The following GRIP1 variants were observed in gnomAD, a reference collection of about 807,000 sequenced individuals.
The protein encoded by GRIP1 is glutamate receptor-interacting protein 1.
Under a neutral mutation model 129.9 loss-of-function variants are expected in GRIP1, and 45 were observed. The observed-to-expected ratio is 0.35, with a 90% CI of 0.27 to 0.44. The LOEUF (loss-of-function observed/expected upper bound fraction) is 0.44, where lower values mean the gene tolerates loss of function less well. Among genes scored for constraint, GRIP1 ranks in the 20% least tolerant of loss-of-function variants. The pLI is 1.00. For missense variants in GRIP1, 1,196 were observed against 1,396.8 expected (o/e 0.86, Z 2.29); for synonymous variants, 530 against 520.8 (o/e 1.02, Z -0.24).
chr12:66,914,854 T>C (rs2041093250), intron 1 of GRIP1, among the ~76,000 whole-genome samples: 1 of 152,200 alleles, frequency 6.6e-6, no homozygotes, highest in Non-Finnish European at 1.5e-5. Context: ...CCAGGCATGG[T>C]GGTGCATTCC....
At chr12:66,929,437 T>C (rs2041350716) in intron 1 of GRIP1, among the ~76,000 whole-genome samples, 1 of 152,356 alleles carries the variant, frequency 6.6e-6, no homozygotes, top group Non-Finnish European at 1.5e-5. Flanking sequence ...CCCCTGTATA[T>C]TGTCTGGCTT....
chr12:66,981,577 C>T (rs1566105099), intron 1 of GRIP1, among the ~76,000 whole-genome samples: 1 of 151,972 alleles, frequency 6.6e-6, no homozygotes, highest in African/African-American at 2.4e-5. Flanking sequence ...TATGTATTAC[C>T]AAAACTGTAA....
intron 19 of GRIP1, among the ~76,000 whole-genome samples, chr12:66,383,492 T>C (rs545843343): frequency 1.1e-4 from 17 of 152,290 alleles, no homozygotes; most frequent in Admixed American, 2.0e-4. Flanking sequence ...TGTGTACTTA[T>C]TCCTCCCCAT....
Position 66,849,498 on chromosome 12 carries a change from C to T in GRIP1, c.58+219552G>A, listed in dbSNP as rs188547012. Reference sequence around the variant, plus strand: ...GGTACAGTGGCTCATTCCTGTAATCCAACCTACTCGAGAAACTGAGGCAGA... The same window carrying T: ...GGTACAGTGGCTCATTCCTGTAATCTAACCTACTCGAGAAACTGAGGCAGA... On this transcript the variant is annotated intron_variant, in intron 1 of 1. Coordinates refer to the GRIP1 transcript ENST00000643019. Among the ~76,000 whole-genome samples the T allele has an allele frequency of 4.1e-4, 62 of 152,062 alleles. 1 individual carries two copies. Among genetic ancestry groups the T allele is most frequent in the Admixed American group, 2.8e-3 (43 of 15,274 alleles).
chr12:66,994,443 T>TAA lies in GRIP1; in HGVS notation c.58+74605_58+74606dup, dbSNP rs35992790. ...TGACAACATAAAATACCTTTTATGATAAAAAAAAAAACACTCAATAAACCA... is the reference window on the plus strand; with the variant it reads ...TGACAACATAAAATACCTTTTATGATAAAAAAAAAAAAACACTCAATAAACCA... On this transcript the variant is annotated intron_variant, in intron 1 of 1. Coordinates refer to the GRIP1 transcript ENST00000643019. Among the ~76,000 whole-genome samples the TAA allele has an allele frequency of 3.5e-3, 501 of 144,108 alleles. 6 individuals are homozygous for TAA. The highest frequency in any genetic ancestry group is 0.012 in the African/African-American group (482 of 39,508). The allele number at this position is 144,108 out of a possible 152,430, so 94.5% of individuals were successfully genotyped here.
intron 1 of GRIP1, among the ~76,000 whole-genome samples, chr12:66,919,623 G>T (rs1212348400): frequency 6.6e-6 from 1 of 152,078 alleles, no homozygotes; most frequent in Non-Finnish European, 1.5e-5. Context: ...GCACCTCAAT[G>T]ACACCAATGA....
intron 5 of GRIP1, among the ~76,000 whole-genome samples, chr12:66,527,481 A>G (rs893766654): frequency 6.6e-6 from 1 of 151,944 alleles, no homozygotes; most frequent in South Asian, 2.1e-4. Context: ...AACAATGAGA[A>G]CATGGACACA....
chr12:66,642,218 C>A (rs1447708281), intron 1 of GRIP1, among the ~76,000 whole-genome samples: 2 of 151,940 alleles, frequency 1.3e-5, no homozygotes, highest in Non-Finnish European at 2.9e-5. Flanking sequence ...GGGAAAGTGA[C>A]ATCTAAATCA....
At chr12:66,532,077 A>G (rs894970277) in intron 4 of GRIP1, among the ~76,000 whole-genome samples, 5 of 152,244 alleles carry the variant, frequency 3.3e-5, no homozygotes, top group Admixed American at 2.6e-4. Context: ...TTTAAAGTCA[A>G]TATAAAGGCT....
intron 1 of GRIP1, among the ~76,000 whole-genome samples, chr12:67,031,005 G>A (rs180762644): frequency 3.9e-5 from 6 of 151,984 alleles, no homozygotes; most frequent in South Asian, 2.1e-4. Flanking sequence ...ATATATAACC[G>A]CTCACCTCAC....
At chr12:66,841,047 T>TA (rs796241877) in intron 1 of GRIP1, among the ~76,000 whole-genome samples, 1 of 152,238 alleles carries the variant, frequency 6.6e-6, no homozygotes, top group Non-Finnish European at 1.5e-5. Context: ...ATACTTCCAT[T>TA]AAAAAATTAT....
Position 66,813,466 on chromosome 12 carries a change from T to C in GRIP1, c.59-216539A>G, listed in dbSNP as rs527368888. On this transcript the variant is annotated intron_variant, in intron 1 of 1. Transcript: ENST00000643019. ...ACCATATCAGAGGAAACAGATAACA[T>C]ACAGTAAATACATCATCAAAGTAAT... Among the ~76,000 whole-genome samples the C allele has an allele frequency of 4.6e-5, 7 of 152,194 alleles. No individual in the cohort carries two copies. In the East Asian group the frequency reaches 1.4e-3, roughly 29 times the overall value.
At chr12:66,679,684 A>G (rs1222266605), upstream of GRIP1, among the ~76,000 whole-genome samples, 5 of 152,170 alleles carry the variant, frequency 3.3e-5, no homozygotes, top group South Asian at 1.0e-3. Context: ...CACCCTTCCA[A>G]AAAAGGACTT....
In GRIP1 at chr12:67,015,677, C is replaced by T. The variant is rs542612637; in HGVS notation, c.58+53373G>A. ...GCAAGGAAGGAAACAAATAATCCTGCGATGGAGGCAGAGTGTAAACAATCC... is the reference window on the plus strand; with the variant it reads ...GCAAGGAAGGAAACAAATAATCCTGTGATGGAGGCAGAGTGTAAACAATCC... On this transcript the variant is annotated intron_variant, in intron 1 of 1. Transcript: ENST00000643019. Among the ~76,000 whole-genome samples, 8 of 152,254 alleles carry T rather than the reference C, an allele frequency of 5.3e-5. No individual in the cohort carries two copies. The East Asian group carries it at 9.6e-4, about 18-fold the overall frequency.
intron 1 of GRIP1, among the ~76,000 whole-genome samples, chr12:66,622,230 T>C (rs2065298807): frequency 6.6e-6 from 1 of 152,110 alleles, no homozygotes; most frequent in Non-Finnish European, 1.5e-5. Context: ...TGAGTTATGC[T>C]ACAAGTCACT....
chr12:66,587,392 T>G (rs962421434), intron 2 of GRIP1, among the ~76,000 whole-genome samples: 4 of 152,256 alleles, frequency 2.6e-5, no homozygotes, highest in African/African-American at 9.6e-5. Flanking sequence ...CATAACTTTC[T>G]GCTCCCACAC....
intron 23 of GRIP1, among the ~76,000 whole-genome samples, chr12:66,364,909 A>G (rs1219291865): frequency 3.3e-5 from 5 of 152,082 alleles, no homozygotes; most frequent in Non-Finnish European, 7.4e-5. Context: ...CACAGATCAC[A>G]GATTTTTCCT....
chr12:66,583,990 A>G (rs562119043), intron 2 of GRIP1, among the ~76,000 whole-genome samples: 1 of 140,702 alleles, frequency 7.1e-6, no homozygotes, highest in South Asian at 2.3e-4. Flanking sequence ...TCACAATAGC[A>G]AAGACTTGCA....
chr12:66,981,045 G>A (rs181337529), intron 1 of GRIP1, among the ~76,000 whole-genome samples: 8 of 152,084 alleles, frequency 5.3e-5, no homozygotes, highest in African/African-American at 1.2e-4. Flanking sequence ...GATTTAAAAG[G>A]CCTTCTATTC....
Sources: allele counts gnomAD v4.1 joint callset (sites outside exome capture counted in the v4.1 genomes callset), GRCh38; gene constraint gnomAD v4.1.1; transcripts MANE v1.5; gene names NCBI Gene and HGNC (gene_info 2026-07-23, HGNC 2026-07-21).